Variants in KLK9 observed in about 807,000 individuals in gnomAD.
KLK9 encodes the protein kallikrein related peptidase 9, also known as kallikrein-9.
KLK9 carries 26 observed loss-of-function variants against 23.3 expected under a neutral mutation model. The ratio of observed to expected loss-of-function variants is 1.12; its 90% confidence interval spans 0.82 to 1.55. KLK9 has a LOEUF of 1.55. Among genes scored for constraint, KLK9 ranks in the 40% most tolerant of loss-of-function variants. The probability of loss-of-function intolerance (pLI) is 0.00; values close to 1 mark genes in which losing one functional copy is unlikely to be tolerated. For synonymous variants in KLK9, 122 were observed against 128.5 expected, an observed-to-expected ratio of 0.95 and a Z score of 0.34; for missense variants, 346 against 333.7, an observed-to-expected ratio of 1.04 and a Z score of -0.29.
At position 51,009,423 on chromosome 19, in the gene KLK9, G is replaced by A; in HGVS notation, c.43+82C>T. 1 of 1,553,266 alleles carries A rather than the reference G, an allele frequency of 6.4e-7. No homozygotes were observed. The highest frequency in any genetic ancestry group is 8.7e-7 in the Non-Finnish European group (1 of 1,148,354). Reference sequence around the variant, plus strand: ...AGGATGCTGAGAAGCCTAGAGGGCAGGAGGCAGAAGCCTGGGATGGGAGGG... The same window carrying A: ...AGGATGCTGAGAAGCCTAGAGGGCAAGAGGCAGAAGCCTGGGATGGGAGGG... On this transcript the variant is annotated intron_variant, in intron 1 of 4. Coordinates refer to ENST00000594211, the MANE Select transcript of KLK9 (RefSeq NM_012315.2). This position sits in a 1 kb window ranked among gnomAD's most constrained non-coding sequence, Gnocchi z 4.8.
At chr19:51,004,293 C>G (rs1349155903) in intron 3 of KLK9, among the ~76,000 whole-genome samples, 6 of 111,192 alleles carry the variant, frequency 5.4e-5, no homozygotes, top group Admixed American at 5.1e-4. Flanking sequence ...TGAGCCGAGA[C>G]TGGTCACTGC....
rs1459532931 is a variant in KLK9, at chr19:51,009,451, G to A, written c.43+54C>T. On this transcript the variant is annotated intron_variant, in intron 1 of 4. Coordinates refer to ENST00000594211, the MANE Select transcript of KLK9 (RefSeq NM_012315.2). The surrounding 1 kb of genome is among the most constrained non-coding windows in gnomAD (Gnocchi z 4.8). The stretch of plus-strand genomic sequence containing the variant: ...GGCAGAAGCCTGGGATGGGAGGGAA[G>A]AGCAAGGTGACCTTAGTACAGCCGT... 6.4e-7 allele frequency: 1 copy of A among 1,571,452 alleles called. No homozygotes were observed. Among genetic ancestry groups the A allele is most frequent in the Non-Finnish European group, 8.6e-7 (1 of 1,157,932 alleles).
At chr19:51,007,425 T>G (rs1439981584) in intron 2 of KLK9, among the ~76,000 whole-genome samples, 2 of 151,848 alleles carry the variant, frequency 1.3e-5, no homozygotes, top group African/African-American at 4.8e-5. Flanking sequence ...GGCTAATGAC[T>G]GCGAATTCAG....
At position 51,006,658 on chromosome 19, in the gene KLK9, C is replaced by T. The variant is rs766128169; in HGVS notation, c.266G>A (p.Arg89Gln). The change falls in exon 3 of 5, where the codon CGG becomes CAG. Residue 89 changes from arginine (R) to glutamine (Q), a missense_variant. Coordinates refer to ENST00000594211, the MANE Select transcript of KLK9 (RefSeq NM_012315.2). This position sits in a 1 kb window ranked among gnomAD's most constrained non-coding sequence, Gnocchi z 4.1. The stretch of plus-strand genomic sequence containing the variant: ...AGGGTGGGGGAAGAAGTCCGTAACC[C>T]GGAACAGCTGCTCCGGACCCTCCCA... Reference protein sequence around the residue: ...WKWEGPEQLFRVTDFFPHPGF... With the variant: ...WKWEGPEQLFQVTDFFPHPGF... The T allele has an allele frequency of 8.1e-6, 13 of 1,612,434 alleles. No homozygotes were observed. The highest frequency in any genetic ancestry group is 4.0e-5 in the African/African-American group (3 of 74,890).
rs527687375 is a variant in KLK9 at position 51,006,577 on chromosome 19, C to T, written c.347G>A (p.Arg116His). ...ACTCAGACGTGCCTGCCTGGGCAGG[C>T]GGATCAGCATGATGTCATCATTGTG... is the stretch of plus-strand genomic sequence containing the variant. The part of the protein sequence containing the change: ...NDHNDDIMLI[R>H]LPRQARLSPA... Residue 116 changes from arginine (R) to histidine (H), a missense_variant, in exon 3 of 5, where the codon CGC becomes CAC. Coordinates refer to ENST00000594211, the MANE Select transcript of KLK9 (RefSeq NM_012315.2). The surrounding 1 kb of genome is among the most constrained non-coding windows in gnomAD (Gnocchi z 4.1). The T allele has an allele frequency of 7.3e-5, 117 of 1,613,226 alleles. 1 individual carries two copies. The highest frequency in any genetic ancestry group is 6.5e-4 in the South Asian group (59 of 91,064).
In KLK9 at chr19:51,003,249, C is replaced by A; in HGVS notation, c.615G>T (p.Gly205=). Residue 205 remains glycine (G), a synonymous_variant, in exon 5 of 5, where the codon GGG becomes GGT. Transcript: ENST00000594211. ...AGGTTCCATTGCAAACCAGGGGGCC[C>A]CCAGAGTCACCCTGTACGCGAGAGA... The part of the protein sequence containing the change: ...GGRGSCQGDS[G]GPLVCNGTLA... The A allele has an allele frequency of 6.2e-7, 1 of 1,612,322 alleles. No homozygotes were observed. Among genetic ancestry groups the A allele is most frequent in the South Asian group, 1.1e-5 (1 of 90,806 alleles).
intron 2 of KLK9, among the ~76,000 whole-genome samples, chr19:51,008,213 C>T (rs2059886546): frequency 6.7e-6 from 1 of 148,926 alleles, no homozygotes; most frequent in African/African-American, 2.5e-5. Flanking sequence ...TGGTGCATAC[C>T]TGTAATCCCA....
In KLK9 at chr19:51,003,269, G is replaced by C. The variant is rs773314035; in HGVS notation, c.604-9C>G. The C allele has an allele frequency of 3.9e-5, 62 of 1,609,740 alleles. No individual in the cohort carries two copies. The highest frequency in any genetic ancestry group is 4.7e-5 in the Non-Finnish European group (55 of 1,178,466). ...GGGCCCCCAGAGTCACCCTGTACGC[G>C]AGAGAAGGGCAGAGGAACTGTTAGG... On this transcript the variant is annotated splice_polypyrimidine_tract_variant and intron_variant, in intron 4 of 4. Coordinates refer to ENST00000594211, the MANE Select transcript of KLK9 (RefSeq NM_012315.2).
Position 51,006,804 on chromosome 19 carries a change from G to C in KLK9, c.201-81C>G. ...CCCAGCCCTCTTTTCCTGTCCATCA[G>C]GGTGCTGTGTGACCCTCTGCAAGCC... On this transcript the variant is annotated intron_variant, in intron 2 of 4. Coordinates refer to ENST00000594211, the MANE Select transcript of KLK9 (RefSeq NM_012315.2). This position sits in a 1 kb window ranked among gnomAD's most constrained non-coding sequence, Gnocchi z 4.1. The C allele has an allele frequency of 7.0e-7, 1 of 1,424,212 alleles. No individual in the cohort carries two copies. Among genetic ancestry groups the C allele is most frequent in the Non-Finnish European group, 9.3e-7 (1 of 1,072,844 alleles). The allele number at this position is 1,424,212 out of a possible 1,614,324, so 88.2% of individuals were successfully genotyped here. A position where few individuals can be genotyped will look rare whatever the true frequency, so the allele number is the denominator to read the frequency against.
chr19:51,009,182 C>T lies in KLK9; in HGVS notation c.200+1G>A, dbSNP rs775339995. The T allele has an allele frequency of 1.4e-5, 23 of 1,605,254 alleles. No individual in the cohort carries two copies. Among genetic ancestry groups the T allele is most frequent in the East Asian group, 9.0e-5 (4 of 44,678 alleles). ...CAGCATGGCCAGCCTGGGTCACTCACGGCTTGCGGCAGTGGGCAGCTGTGA... is the reference window on the plus strand; with the variant it reads ...CAGCATGGCCAGCCTGGGTCACTCATGGCTTGCGGCAGTGGGCAGCTGTGA... On this transcript the variant is annotated splice_donor_variant, in intron 2 of 4. Coordinates refer to ENST00000594211, the MANE Select transcript of KLK9 (RefSeq NM_012315.2). LOFTEE classifies it high-confidence loss of function. The surrounding 1 kb of genome is among the most constrained non-coding windows in gnomAD (Gnocchi z 4.8).
chr19:51,007,092 G>A (rs1409838063), intron 2 of KLK9, among the ~76,000 whole-genome samples: 4 of 151,784 alleles, frequency 2.6e-5, no homozygotes, highest in African/African-American at 4.8e-5. Flanking sequence ...CATAACAACC[G>A]CCCCACCCCT....
In KLK9 at chr19:51,003,263, G is replaced by A. The variant is rs747255463; in HGVS notation, c.604-3C>T. 1.2e-6 allele frequency: 2 copies of A among 1,610,776 alleles called. No individual in the cohort carries two copies. The highest frequency in any genetic ancestry group is 2.2e-5 in the South Asian group (2 of 90,626). ...ACCAGGGGGCCCCCAGAGTCACCCT[G>A]TACGCGAGAGAAGGGCAGAGGAACT... On this transcript the variant is annotated splice_region_variant and splice_polypyrimidine_tract_variant and intron_variant, in intron 4 of 4. Coordinates refer to ENST00000594211, the MANE Select transcript of KLK9 (RefSeq NM_012315.2).
At chr19:51,003,310 C>A in intron 4 of KLK9, 50 bp from the exon 5 acceptor site, 1 of 1,555,036 alleles carries the variant, frequency 6.4e-7, no homozygotes, top group Non-Finnish European at 8.7e-7. Context: ...CTGTTCATGA[C>A]AATTACACGG....
At chr19:51,004,754 A>G (rs1568558653) in intron 3 of KLK9, among the ~76,000 whole-genome samples, 1 of 152,054 alleles carries the variant, frequency 6.6e-6, no homozygotes, top group African/African-American at 2.4e-5. Context: ...AAGGGGTGGA[A>G]TGAAGGCAGT....
At position 51,006,702 on chromosome 19, in the gene KLK9, T is replaced by A; in HGVS notation, c.222A>T (p.Gly74=). ...CCTCCCATTTCCAGAGGTGGTGCTCTCCAAGGCGGACCCACAGATACCTGC... is the reference window on the plus strand; with the variant it reads ...CCTCCCATTTCCAGAGGTGGTGCTCACCAAGGCGGACCCACAGATACCTGC... The part of the protein sequence containing the change: ...CRKPYLWVRL[G]EHHLWKWEGP... Residue 74 remains glycine (G), a synonymous_variant, in exon 3 of 5, where the codon GGA becomes GGT. Coordinates refer to ENST00000594211, the MANE Select transcript of KLK9 (RefSeq NM_012315.2). This position sits in a 1 kb window ranked among gnomAD's most constrained non-coding sequence, Gnocchi z 4.1. The A allele has an allele frequency of 6.3e-7, 1 of 1,594,848 alleles. No homozygotes were observed. Among genetic ancestry groups the A allele is most frequent in the Non-Finnish European group, 8.6e-7 (1 of 1,168,996 alleles).
chr19:51,009,577 G>T lies in KLK9; in HGVS notation c.-30C>A. On this transcript the variant is annotated 5_prime_UTR_variant, in exon 1 of 5. Coordinates refer to ENST00000594211, the MANE Select transcript of KLK9 (RefSeq NM_012315.2). The surrounding 1 kb of genome is among the most constrained non-coding windows in gnomAD (Gnocchi z 4.8). ...CCTGGGCACCTGGATCCTGGAACGT[G>T]CACCCGGCGTCCAGTGCTTCTTTAT... The T allele has an allele frequency of 6.2e-7, 1 of 1,607,320 alleles. No homozygotes were observed. The highest frequency in any genetic ancestry group is 8.5e-7 in the Non-Finnish European group (1 of 1,176,450).
chr19:51,002,949 A>AG lies in KLK9; in HGVS notation c.*161dup. ...CGACTGTGTCTTGCTTGACCTCGTG[A>AG]GGGGGCGGAGCCTCAGGGGCGGAGT... On this transcript the variant is annotated 3_prime_UTR_variant, in exon 5 of 5. Transcript: ENST00000594211. 3 of 826,728 alleles carry AG rather than the reference A, an allele frequency of 3.6e-6. No homozygotes were observed. In the East Asian group the frequency reaches 7.9e-5, roughly 22 times the overall value. The allele number at this position is 826,728 out of a possible 1,614,324, so 51.2% of individuals were successfully genotyped here.
At chr19:51,005,884 C>T (rs1428932836) in intron 3 of KLK9, among the ~76,000 whole-genome samples, 2 of 150,830 alleles carry the variant, frequency 1.3e-5, no homozygotes, top group Non-Finnish European at 3.0e-5. Flanking sequence ...TGAGACCAGC[C>T]TGGCCAATAT....
chr19:51,008,830 G>A (rs902517671), intron 2 of KLK9, among the ~76,000 whole-genome samples: 2 of 152,094 alleles, frequency 1.3e-5, no homozygotes, highest in Non-Finnish European at 2.9e-5. Context: ...ATTCCTCTGG[G>A]CAGTGCTGAC....
Sources: allele counts gnomAD v4.1 joint callset (sites outside exome capture counted in the v4.1 genomes callset), GRCh38; gene constraint gnomAD v4.1.1; non-coding constraint Gnocchi (gnomAD v3.1); transcripts MANE v1.5; gene names NCBI Gene and HGNC (gene_info 2026-07-23, HGNC 2026-07-21).